Variants in TOX observed in about 807,000 individuals in gnomAD.
TOX encodes thymocyte selection-associated high mobility group box protein TOX.
TOX carries 11 observed loss-of-function variants against 53.7 expected under a neutral mutation model. The observed-to-expected ratio is 0.20, with a 90% CI of 0.13 to 0.34. The LOEUF is 0.34. TOX is among the 10% of genes least tolerant of loss of function. The probability of loss-of-function intolerance (pLI) is 1.00; values close to 1 mark genes in which losing one functional copy is unlikely to be tolerated. For synonymous variants in TOX, 225 were observed against 245.3 expected (o/e 0.92, Z 0.77); for missense variants, 570 against 664.6 (o/e 0.86, Z 1.56).
In TOX at chr8:58,973,026, G is replaced by T. The variant is rs181468603; in HGVS notation, c.103-13018C>A. 7.9e-5 allele frequency among the ~76,000 whole-genome samples: 12 copies of T among 152,314 alleles called. No individual in the cohort carries two copies. In the East Asian group the frequency reaches 2.3e-3, roughly 29 times the overall value. On this transcript the variant is annotated intron_variant, in intron 1 of 8. Coordinates refer to ENST00000361421, the MANE Select transcript of TOX (RefSeq NM_014729.3). ...TGTATTAAGAACAGGAGTTAAGTAAGACTGGGGTGGAAACTAAACATTAGA... is the reference window on the plus strand; with the variant it reads ...TGTATTAAGAACAGGAGTTAAGTAATACTGGGGTGGAAACTAAACATTAGA...
At chr8:58,825,023 AAT>A (rs1424860366) in intron 6 of TOX, among the ~76,000 whole-genome samples, 6 of 152,242 alleles carry the variant, frequency 3.9e-5, no homozygotes, top group African/African-American at 1.4e-4. Context: ...ATGTAGAAAA[AAT>A]ATGTTTAAAT....
intron 1 of TOX, among the ~76,000 whole-genome samples, chr8:59,064,585 C>T (rs1804053533): frequency 6.6e-6 from 1 of 152,044 alleles, no homozygotes; most frequent in African/African-American, 2.4e-5. Context: ...AAACAAGCTT[C>T]TCGGAAGTCA....
At chr8:58,963,236 C>T (rs1380227504) in intron 1 of TOX, among the ~76,000 whole-genome samples, 1 of 152,006 alleles carries the variant, frequency 6.6e-6, no homozygotes, top group African/African-American at 2.4e-5. Context: ...TGGGACATCT[C>T]AGTATCCATA....
intron 2 of TOX, among the ~76,000 whole-genome samples, chr8:58,953,147 CTGGA>C (rs1043945394): frequency 1.3e-5 from 2 of 151,790 alleles, no homozygotes; most frequent in Non-Finnish European, 2.9e-5. Flanking sequence ...ATAATAAAGG[CTGGA>C]TGGGTCAAGA....
chr8:59,060,156 A>G (rs1465940796), intron 1 of TOX, among the ~76,000 whole-genome samples: 1 of 152,188 alleles, frequency 6.6e-6, no homozygotes, highest in Non-Finnish European at 1.5e-5. Flanking sequence ...CATTCCCACT[A>G]TTTTTGTAAT....
intron 1 of TOX, among the ~76,000 whole-genome samples, chr8:59,031,957 G>A (rs545094247): frequency 1.1e-4 from 16 of 152,310 alleles, no homozygotes; most frequent in African/African-American, 3.6e-4. Flanking sequence ...AGATTTGTAT[G>A]TGAATCAGTG....
In TOX at chr8:58,940,269, AC is replaced by A. The variant is rs538921703; in HGVS notation, c.169-726del. ...TGTCCATTTTGAAAGACAAAATAGTACTAATATTATTATAATACTAATTCTG... is the reference window on the plus strand; with the variant it reads ...TGTCCATTTTGAAAGACAAAATAGTATAATATTATTATAATACTAATTCTG... On this transcript the variant is annotated intron_variant, in intron 2 of 8. Coordinates refer to ENST00000361421, the MANE Select transcript of TOX (RefSeq NM_014729.3). Among the ~76,000 whole-genome samples the A allele has an allele frequency of 4.7e-3, 723 of 152,262 alleles. 2 individuals carry two copies. The highest frequency in any genetic ancestry group is 0.017 in the African/African-American group (699 of 41,562).
chr8:58,941,257 G>A (rs1812434537), intron 2 of TOX, among the ~76,000 whole-genome samples: 1 of 152,180 alleles, frequency 6.6e-6, no homozygotes, highest in Non-Finnish European at 1.5e-5. Context: ...GATGCCTAAT[G>A]GGGAGGTGGG....
intron 3 of TOX, among the ~76,000 whole-genome samples, chr8:58,879,170 G>A (rs562287563): frequency 6.6e-6 from 1 of 152,170 alleles, no homozygotes; most frequent in East Asian, 1.9e-4. Flanking sequence ...CTACATTCAT[G>A]TGCAAAGGCC....
intron 1 of TOX, among the ~76,000 whole-genome samples, chr8:59,056,880 A>C (rs1019947673): frequency 1.3e-5 from 2 of 152,260 alleles, no homozygotes; most frequent in African/African-American, 2.4e-5. Flanking sequence ...GCTTGGAAAG[A>C]TAAGGTCATG....
At chr8:58,864,722 G>A (rs1008926081) in intron 3 of TOX, among the ~76,000 whole-genome samples, 3 of 152,124 alleles carry the variant, frequency 2.0e-5, no homozygotes, top group Admixed American at 6.6e-5. Context: ...TTCTAGAAGG[G>A]AAGAATGAAA....
intron 1 of TOX, among the ~76,000 whole-genome samples, chr8:59,116,306 A>G (rs1310099354): frequency 6.6e-6 from 1 of 152,252 alleles, no homozygotes; most frequent in Non-Finnish European, 1.5e-5. Flanking sequence ...CTCCGAAGGA[A>G]GCAAGATTTA....
At chr8:59,038,751 G>A (rs1399110758) in intron 1 of TOX, among the ~76,000 whole-genome samples, 2 of 152,230 alleles carry the variant, frequency 1.3e-5, no homozygotes, top group African/African-American at 4.8e-5. Context: ...TACCCCCACA[G>A]CACTGGCTTC....
intron 3 of TOX, among the ~76,000 whole-genome samples, chr8:58,923,769 T>G (rs981333679): frequency 1.3e-5 from 2 of 152,186 alleles, no homozygotes; most frequent in Non-Finnish European, 2.9e-5. Flanking sequence ...GTCTCACACA[T>G]AGCTTACCAG....
At chr8:59,106,156 T>C (rs1324967177) in intron 1 of TOX, among the ~76,000 whole-genome samples, 2 of 152,188 alleles carry the variant, frequency 1.3e-5, no homozygotes, top group Non-Finnish European at 2.9e-5. Context: ...AACAACTGTA[T>C]GAACCTTCCA....
At chr8:58,966,342 C>T (rs1294219934) in intron 1 of TOX, among the ~76,000 whole-genome samples, 3 of 152,152 alleles carry the variant, frequency 2.0e-5, no homozygotes, top group South Asian at 2.1e-4. Flanking sequence ...GAAAAGAAAG[C>T]GGAGTTACTC....
intron 2 of TOX, among the ~76,000 whole-genome samples, chr8:58,955,026 G>A (rs1812687328): frequency 6.6e-6 from 1 of 152,196 alleles, no homozygotes; most frequent in Non-Finnish European, 1.5e-5. Context: ...AAATTCACAT[G>A]AAAGCTGTCC....
intron 1 of TOX, among the ~76,000 whole-genome samples, chr8:59,002,918 G>A (rs1813721447): frequency 6.6e-6 from 1 of 152,082 alleles, no homozygotes; most frequent in Admixed American, 6.5e-5. Context: ...GAAACACAAG[G>A]GGTATATAGA....
intron 6 of TOX, 54 bp from the exon 7 acceptor site, chr8:58,815,778 C>T: frequency 6.5e-7 from 1 of 1,537,548 alleles, no homozygotes; most frequent in East Asian, 2.3e-5. Flanking sequence ...AGTGTTGATT[C>T]AAGGTATGAC....
Sources: allele counts gnomAD v4.1 joint callset (sites outside exome capture counted in the v4.1 genomes callset), GRCh38; gene constraint gnomAD v4.1.1; transcripts MANE v1.5; gene names NCBI Gene and HGNC (gene_info 2026-07-23, HGNC 2026-07-21).